The following ZSCAN25 variants were observed in gnomAD, a reference collection of about 807,000 sequenced individuals.
ZSCAN25 encodes the protein zinc finger and SCAN domain-containing protein 25.
ZSCAN25 carries 27 observed loss-of-function variants against 38.7 expected under a neutral mutation model. That is an observed-to-expected ratio of 0.70 (90% confidence interval 0.51 to 0.96). The LOEUF is 0.96. ZSCAN25 is among the 40% of genes least tolerant of loss of function. ZSCAN25 has a pLI of 0.00. For synonymous variants in ZSCAN25, 273 were observed against 277.7 expected (o/e 0.98, Z 0.17); for missense variants, 637 against 705.9 (o/e 0.90, Z 1.11).
intron 3 of ZSCAN25, among the ~76,000 whole-genome samples, 196 bp from the exon 4 acceptor site, chr7:99,619,365 T>G (rs948831351): frequency 1.3e-5 from 2 of 152,260 alleles, no homozygotes; most frequent in East Asian, 3.8e-4. Context: ...TTAGACATTT[T>G]CTGTTTAGTC....
Position 99,629,694 on chromosome 7 carries a change from T to A in ZSCAN25, c.1309T>A (p.Trp437Arg). 1 of 1,613,950 alleles carries A rather than the reference T, an allele frequency of 6.2e-7. No homozygotes were observed. The highest frequency in any genetic ancestry group is 8.5e-7 in the Non-Finnish European group (1 of 1,179,994). Residue 437 changes from tryptophan to arginine, a missense_variant, in exon 8 of 8, where the codon TGG becomes AGG. Coordinates refer to ENST00000394152, the MANE Select transcript of ZSCAN25 (RefSeq NM_145115.3). The surrounding 1 kb of genome is among the most constrained non-coding windows in gnomAD (Gnocchi z 5.6). ...GEKPYKCGDCWKSFSRRQHLQ... is the reference protein window; with the variant it reads ...GEKPYKCGDCRKSFSRRQHLQ... ...GAAGCCCTACAAGTGCGGGGACTGC[T>A]GGAAGAGCTTCAGCCGCAGGCAGCA... is the stretch of plus-strand genomic sequence containing the variant.
At chr7:99,731,585 TG>T in the ZSCAN25 span, among the ~76,000 whole-genome samples, 1 of 152,206 alleles carries the variant, frequency 6.6e-6, no homozygotes, top group Non-Finnish European at 1.5e-5. Context: ...GATGAGATTT[TG>T]CATCACTGCA....
At chr7:99,693,678 C>T in the ZSCAN25 span, among the ~76,000 whole-genome samples, 1 of 152,238 alleles carries the variant, frequency 6.6e-6, no homozygotes, top group Non-Finnish European at 1.5e-5. Flanking sequence ...GCTGCACTAG[C>T]AGTGAGCAAG....
At chr7:99,704,178 CAT>C in the ZSCAN25 span, among the ~76,000 whole-genome samples, 19 of 152,212 alleles carry the variant, frequency 1.2e-4, no homozygotes, top group African/African-American at 3.9e-4. Context: ...TGTAAGAAAA[CAT>C]ATTTCCTGTC....
rs1806708060 is a variant in ZSCAN25 at position 99,619,132 on chromosome 7, G to A, written c.-47G>A. ...TGTACCAGCATATGAGTTTCAGGAG[G>A]GTAAGCTCCCAGTGTGTCTTGTTTT... On this transcript the variant is annotated splice_region_variant and 5_prime_UTR_variant, in exon 3 of 8. Coordinates refer to ENST00000394152, the MANE Select transcript of ZSCAN25 (RefSeq NM_145115.3). 1 of 153,694 alleles carries A rather than the reference G, an allele frequency of 6.5e-6. No homozygotes were observed. The allele number at this position is 153,694 out of a possible 1,614,324, so 9.5% of individuals were successfully genotyped here. A position where few individuals can be genotyped will look rare whatever the true frequency, so the allele number is the denominator to read the frequency against.
At chr7:99,714,574 C>A in the ZSCAN25 span, 1 of 1,612,824 alleles carries the variant, frequency 6.2e-7, no homozygotes, top group South Asian at 1.1e-5. Flanking sequence ...CTCTTTGAGG[C>A]GACCTTCTTT....
downstream of ZSCAN25, among the ~76,000 whole-genome samples, chr7:99,636,046 CAAAAA>C (rs780898445): frequency 9.2e-5 from 4 of 43,402 alleles, no homozygotes; most frequent in South Asian, 9.4e-4. Context: ...GACTCCATCT[CAAAAA>C]AAAAAAAAAA....
chr7:99,700,544 T>A, the ZSCAN25 span, among the ~76,000 whole-genome samples: 9 of 152,118 alleles, frequency 5.9e-5, no homozygotes, highest in African/African-American at 2.2e-4. Flanking sequence ...TTAAAGTCTT[T>A]CCTTACCAAC....
chr7:99,718,281 G>A, the ZSCAN25 span, among the ~76,000 whole-genome samples: 115,897 of 152,132 alleles, frequency 0.76, 47,122 homozygotes, highest in Non-Finnish European at 0.91. Flanking sequence ...AAAAAGGTAG[G>A]TAATACTTTT....
chr7:99,737,474 G>C, the ZSCAN25 span, among the ~76,000 whole-genome samples: 1 of 152,114 alleles, frequency 6.6e-6, no homozygotes, highest in African/African-American at 2.4e-5. Context: ...CATATCAATG[G>C]CATTGCTGGA....
At chr7:99,639,736 C>T in the ZSCAN25 span, among the ~76,000 whole-genome samples, 4 of 152,136 alleles carry the variant, frequency 2.6e-5, no homozygotes, top group Non-Finnish European at 4.4e-5. Context: ...AGCCAGATTC[C>T]AGTGGGTTGT....
the ZSCAN25 span, among the ~76,000 whole-genome samples, chr7:99,731,513 AT>A: frequency 1.3e-5 from 2 of 152,084 alleles, no homozygotes; most frequent in African/African-American, 4.8e-5. Flanking sequence ...CTCTTCCCTG[AT>A]TTTGGGATTC....
chr7:99,691,406 C>T, the ZSCAN25 span, among the ~76,000 whole-genome samples: 4 of 152,108 alleles, frequency 2.6e-5, no homozygotes, highest in Admixed American at 2.6e-4. Context: ...AACAAACCTG[C>T]ACATTGTGCA....
At chr7:99,668,152 A>C in the ZSCAN25 span, among the ~76,000 whole-genome samples, 1 of 152,254 alleles carries the variant, frequency 6.6e-6, no homozygotes, top group Non-Finnish European at 1.5e-5. Context: ...TCAATATCTG[A>C]AAATACAAGA....
the ZSCAN25 span, among the ~76,000 whole-genome samples, chr7:99,668,601 A>G: frequency 6.6e-6 from 1 of 152,260 alleles, no homozygotes; most frequent in Non-Finnish European, 1.5e-5. Flanking sequence ...ATGGACTAGT[A>G]TCCATAATTT....
chr7:99,709,132 T>C, the ZSCAN25 span: 1 of 1,613,912 alleles, frequency 6.2e-7, no homozygotes, highest in Admixed American at 1.7e-5. Flanking sequence ...GGAATAAACA[T>C]CCCATTGATT....
At chr7:99,715,775 G>T in the ZSCAN25 span, 17 of 1,613,664 alleles carry the variant, frequency 1.1e-5, no homozygotes, top group East Asian at 3.6e-4. Context: ...GAGAACGAAT[G>T]GATCTAATGG....
the ZSCAN25 span, chr7:99,708,884 G>A: frequency 4.5e-4 from 422 of 932,726 alleles, 1 homozygote; most frequent in Middle Eastern, 9.3e-4. Context: ...TTTGTAAAGT[G>A]TGACAATGAT....
chr7:99,708,970 A>G, the ZSCAN25 span: 1 of 1,560,752 alleles, frequency 6.4e-7, no homozygotes. Flanking sequence ...ACTGTCCTGT[A>G]GAGAGGCAGA....
Sources: allele counts gnomAD v4.1 joint callset (sites outside exome capture counted in the v4.1 genomes callset), GRCh38; gene constraint gnomAD v4.1.1; non-coding constraint Gnocchi (gnomAD v3.1); transcripts MANE v1.5; gene names NCBI Gene and HGNC (gene_info 2026-07-23, HGNC 2026-07-21).